Variants in RASGEF1C observed in about 807,000 individuals in gnomAD.
RASGEF1C encodes the protein ras-GEF domain-containing family member 1C.
Under a neutral mutation model 58.1 loss-of-function variants are expected in RASGEF1C, and 27 were observed. The observed-to-expected ratio is 0.46, with a 90% CI of 0.34 to 0.64. The LOEUF (loss-of-function observed/expected upper bound fraction) is 0.64. RASGEF1C is among the 30% of genes least tolerant of loss of function. The pLI, the probability that RASGEF1C is intolerant of heterozygous loss-of-function variation, is 0.01. For synonymous variants in RASGEF1C, 243 were observed against 246.3 expected, an observed-to-expected ratio of 0.99 and a Z score of 0.13; for missense variants, 502 against 605.1, an observed-to-expected ratio of 0.83 and a Z score of 1.79.
intron 1 of RASGEF1C, among the ~76,000 whole-genome samples, chr5:180,207,270 T>C (rs750047477): frequency 2.2e-4 from 33 of 152,166 alleles, no homozygotes; most frequent in Non-Finnish European, 4.1e-4. Flanking sequence ...AATATATTCA[T>C]GTTTGGGGGA....
chr5:180,204,616 CTCTATCTATCTA>C (rs56101660), intron 1 of RASGEF1C, among the ~76,000 whole-genome samples: 309 of 149,224 alleles, frequency 2.1e-3, no homozygotes, highest in Middle Eastern at 0.01. Context: ...ATGGATATTC[CTCTATCTATCTA>C]TCTATCTATC....
rs1307361470 is a variant in RASGEF1C at position 180,155,631 on chromosome 5, G to A, written c.-6-17573C>T. The stretch of plus-strand genomic sequence containing the variant: ...GCGAGGCGACAGCACCAAGACCCAC[G>A]GCAGATTGGCCACTAAATATAGAGC... On this transcript the variant is annotated intron_variant, in intron 1 of 13. Transcript: ENST00000361132. The surrounding 1 kb of genome is among the most constrained non-coding windows in gnomAD (Gnocchi z 5.2). Among the ~76,000 whole-genome samples the A allele has an allele frequency of 6.6e-6, 1 of 151,926 alleles. No homozygotes were observed. The highest frequency in any genetic ancestry group is 1.9e-4 in the East Asian group (1 of 5,172).
intron 1 of RASGEF1C, among the ~76,000 whole-genome samples, chr5:180,148,859 T>G (rs1766699118): frequency 6.6e-6 from 1 of 152,226 alleles, no homozygotes; most frequent in Non-Finnish European, 1.5e-5. Context: ...CATTTCAACC[T>G]GAAGCACTTC....
At chr5:180,159,114 T>C (rs570756515) in intron 1 of RASGEF1C, among the ~76,000 whole-genome samples, 2 of 150,302 alleles carry the variant, frequency 1.3e-5, no homozygotes, top group Non-Finnish European at 3.0e-5. Context: ...CTGAGAACAT[T>C]AGTAACAAGT....
chr5:180,170,195 C>T lies in RASGEF1C; in HGVS notation c.-6-32137G>A, dbSNP rs1251388347. Among the ~76,000 whole-genome samples, 3 of 152,294 alleles carry T rather than the reference C, an allele frequency of 2.0e-5. No individual in the cohort carries two copies. In the East Asian group the frequency reaches 5.8e-4, roughly 30 times the overall value. ...GGATGAGTGAGTGAGTGAATGATGG[C>T]CCCCGGGATGCGGGAGGGGACCAAG... On this transcript the variant is annotated intron_variant, in intron 1 of 13. Coordinates refer to ENST00000361132, the MANE Select transcript of RASGEF1C (RefSeq NM_175062.4).
At chr5:180,175,447 G>T (rs1323104731) in intron 1 of RASGEF1C, among the ~76,000 whole-genome samples, 1 of 152,204 alleles carries the variant, frequency 6.6e-6, no homozygotes, top group Non-Finnish European at 1.5e-5. Context: ...GGCTTCTTGG[G>T]CACACCTGCC....
At chr5:180,103,289 G>T (rs577552777) in intron 12 of RASGEF1C, among the ~76,000 whole-genome samples, 2 of 152,196 alleles carry the variant, frequency 1.3e-5, no homozygotes, top group Admixed American at 6.5e-5. Flanking sequence ...GTGTTAGCCA[G>T]GATGGTCTCG....
At chr5:180,129,062 C>T (rs1352820705) in intron 4 of RASGEF1C, among the ~76,000 whole-genome samples, 1 of 152,234 alleles carries the variant, frequency 6.6e-6, no homozygotes, top group East Asian at 1.9e-4. Context: ...CCCAGCTCGG[C>T]CTTCCCCGAC....
intron 1 of RASGEF1C, among the ~76,000 whole-genome samples, chr5:180,200,324 T>TTTTTG (rs1404095721): frequency 2.4e-5 from 3 of 126,296 alleles, no homozygotes; most frequent in African/African-American, 2.8e-5. Context: ...TTTTTTTTTT[T>TTTTTG]TTTGAGATAG....
At chr5:180,142,412 T>A (rs187216010) in intron 1 of RASGEF1C, among the ~76,000 whole-genome samples, 1 of 152,316 alleles carries the variant, frequency 6.6e-6, no homozygotes, top group African/African-American at 2.4e-5. Context: ...TGGCTCAATG[T>A]ACCAAGAGCG....
chr5:180,128,617 G>C lies in RASGEF1C; in HGVS notation c.439-7C>G, dbSNP rs1192622965. The C allele has an allele frequency of 6.2e-7, 1 of 1,612,936 alleles. No homozygotes were observed. Among genetic ancestry groups the C allele is most frequent in the East Asian group, 2.2e-5 (1 of 44,864 alleles). On this transcript the variant is annotated splice_region_variant and splice_polypyrimidine_tract_variant and intron_variant, in intron 4 of 13. Coordinates refer to ENST00000361132, the MANE Select transcript of RASGEF1C (RefSeq NM_175062.4). ...GCATCCTCTTCCGGTATGCCTGGTG[G>C]GTGGAAAGAAGGGCGCTCAGGACTG...
intron 1 of RASGEF1C, among the ~76,000 whole-genome samples, chr5:180,202,015 C>T (rs141096058): frequency 6.6e-6 from 1 of 151,974 alleles, no homozygotes; most frequent in Non-Finnish European, 1.5e-5. Context: ...TGAAGAAAAT[C>T]CCTACATTAT....
chr5:180,114,230 G>A (rs996315622), intron 11 of RASGEF1C, among the ~76,000 whole-genome samples: 3 of 152,170 alleles, frequency 2.0e-5, no homozygotes, highest in Non-Finnish European at 2.9e-5. Context: ...CTGGCCGTGC[G>A]GCGCAGCCTG....
intron 1 of RASGEF1C, among the ~76,000 whole-genome samples, chr5:180,160,573 G>A (rs966277354): frequency 3.3e-5 from 5 of 152,112 alleles, no homozygotes; most frequent in Admixed American, 2.6e-4. Context: ...CTACCACACT[G>A]TCAGCTTTGC....
chr5:180,128,851 T>G, intron 4 of RASGEF1C, among the ~76,000 whole-genome samples: 1 of 146,810 alleles, frequency 6.8e-6, no homozygotes, highest in South Asian at 2.1e-4. Context: ...TTCCCATCTG[T>G]GGGTGGGAGC....
At chr5:180,102,664 G>GGTTTT (rs149505914) in intron 12 of RASGEF1C, among the ~76,000 whole-genome samples, 71,112 of 150,332 alleles carry the variant, frequency 0.47, 16,924 homozygotes, top group South Asian at 0.62. Flanking sequence ...TCCTCCATTG[G>GGTTTT]GTTTTGTTTT....
intron 12 of RASGEF1C, among the ~76,000 whole-genome samples, chr5:180,102,986 G>C (rs1765814577): frequency 6.6e-6 from 1 of 152,206 alleles, no homozygotes; most frequent in African/African-American, 2.4e-5. Context: ...CTTAAATTCT[G>C]GGAGGAGAAT....
chr5:180,150,642 C>G (rs949647114), intron 1 of RASGEF1C, among the ~76,000 whole-genome samples: 4 of 152,096 alleles, frequency 2.6e-5, no homozygotes, highest in African/African-American at 9.7e-5. Context: ...CCAGCCTCAA[C>G]ATGGAGAAAC....
chr5:180,197,066 G>A lies in RASGEF1C; in HGVS notation c.-7+11962C>T, dbSNP rs1038254612. The stretch of plus-strand genomic sequence containing the variant: ...CCCCTCAGACCTCACCACAGGGCAG[G>A]GCTGCTCTCACTGACAGGCGCCTGT... On this transcript the variant is annotated intron_variant, in intron 1 of 13. Coordinates refer to ENST00000361132, the MANE Select transcript of RASGEF1C (RefSeq NM_175062.4). The surrounding 1 kb of genome is among the most constrained non-coding windows in gnomAD (Gnocchi z 4.7). Among the ~76,000 whole-genome samples the A allele has an allele frequency of 6.6e-6, 1 of 152,210 alleles. No homozygotes were observed. Among genetic ancestry groups the A allele is most frequent in the African/African-American group, 2.4e-5 (1 of 41,458 alleles).
Sources: allele counts gnomAD v4.1 joint callset (sites outside exome capture counted in the v4.1 genomes callset), GRCh38; gene constraint gnomAD v4.1.1; non-coding constraint Gnocchi (gnomAD v3.1); transcripts MANE v1.5; gene names NCBI Gene and HGNC (gene_info 2026-07-23, HGNC 2026-07-21).